PLEKHS1: variants seen among roughly 807,000 people sequenced by gnomAD.
The protein encoded by PLEKHS1 is pleckstrin homology domain containing S1.
PLEKHS1 carries 55 observed loss-of-function variants against 51.0 expected under a neutral mutation model. The observed-to-expected ratio is 1.08, with a 90% CI of 0.87 to 1.35. PLEKHS1 has a LOEUF of 1.35. PLEKHS1 is among the 40% of genes most tolerant of loss of function. PLEKHS1 has a pLI of 0.00. For missense variants in PLEKHS1, 398 were observed against 423.0 expected (o/e 0.94, Z 0.52); for synonymous variants, 153 against 144.8 (o/e 1.06, Z -0.41).
intron 11 of PLEKHS1, among the ~76,000 whole-genome samples, chr10:113,778,262 G>T (rs1247415533): frequency 6.6e-6 from 1 of 152,174 alleles, no homozygotes; most frequent in Non-Finnish European, 1.5e-5. Context: ...GGAGAGGAAG[G>T]AGAGAGTATG....
chr10:113,773,126 C>T (rs1013684990), intron 8 of PLEKHS1, among the ~76,000 whole-genome samples: 1 of 152,092 alleles, frequency 6.6e-6, no homozygotes, highest in African/African-American at 2.4e-5. Context: ...TCCGGAAACA[C>T]CCAGTTAAAA....
At chr10:113,752,965 T>C (rs1360345288) in intron 1 of PLEKHS1, among the ~76,000 whole-genome samples, 1 of 152,196 alleles carries the variant, frequency 6.6e-6, no homozygotes, top group Admixed American at 6.5e-5. Flanking sequence ...AGCTTTTCAT[T>C]TGTAAAATGA....
chr10:113,775,094 C>CTT, intron 10 of PLEKHS1, 59 bp downstream of exon 10: 9 of 1,217,646 alleles, frequency 7.4e-6, no homozygotes, highest in Admixed American at 2.6e-5. Context: ...CTCCCTCCCA[C>CTT]TTTTTTTTTT....
At chr10:113,775,266 A>T (rs1049662289) in intron 10 of PLEKHS1, among the ~76,000 whole-genome samples, 2 of 152,088 alleles carry the variant, frequency 1.3e-5, no homozygotes, top group East Asian at 1.9e-4. Flanking sequence ...AGCTATTTTT[A>T]AAAATTCCCC....
At chr10:113,770,976 A>G (rs1217470038) in intron 7 of PLEKHS1, among the ~76,000 whole-genome samples, 1 of 152,204 alleles carries the variant, frequency 6.6e-6, no homozygotes, top group Admixed American at 6.5e-5. Flanking sequence ...TAAAACATGG[A>G]CAGAACTTAA....
intron 7 of PLEKHS1, among the ~76,000 whole-genome samples, chr10:113,770,983 T>C (rs1844376607): frequency 6.6e-6 from 1 of 152,236 alleles, no homozygotes; most frequent in African/African-American, 2.4e-5. Context: ...TGGACAGAAC[T>C]TAAACACACC....
At chr10:113,768,515 G>A (rs919316142) in intron 5 of PLEKHS1, among the ~76,000 whole-genome samples, 6 of 152,130 alleles carry the variant, frequency 3.9e-5, no homozygotes, top group African/African-American at 1.4e-4. Flanking sequence ...CAGGTTAGGG[G>A]GCTTGCTTGA....
chr10:113,775,965 G>T, intron 11 of PLEKHS1, 99 bp downstream of exon 11: 8 of 843,570 alleles, frequency 9.5e-6, no homozygotes, highest in Non-Finnish European at 1.4e-5. Flanking sequence ...ACACTGACTA[G>T]GTTTGGGGCG....
chr10:113,768,614 C>G (rs1336233446), intron 5 of PLEKHS1, among the ~76,000 whole-genome samples: 1 of 152,218 alleles, frequency 6.6e-6, no homozygotes, highest in African/African-American at 2.4e-5. Flanking sequence ...TTTCTCTGAG[C>G]TTTCCTTGCA....
chr10:113,771,566 T>C (rs982853269), intron 7 of PLEKHS1, among the ~76,000 whole-genome samples: 3 of 150,268 alleles, frequency 2.0e-5, no homozygotes, highest in African/African-American at 7.4e-5. Flanking sequence ...TCCCAGCTAC[T>C]CAGGAGGCTG....
intron 7 of PLEKHS1, among the ~76,000 whole-genome samples, chr10:113,771,748 T>C (rs1270631312): frequency 1.3e-5 from 2 of 149,926 alleles, no homozygotes; most frequent in African/African-American, 2.5e-5. Flanking sequence ...TTCCAAACGG[T>C]AGAGAAAAAA....
intron 6 of PLEKHS1, 61 bp from the exon 7 acceptor site, chr10:113,769,723 T>C (rs1844315077): frequency 5.9e-6 from 6 of 1,025,512 alleles, no homozygotes; most frequent in South Asian, 5.1e-5. Flanking sequence ...GTAGAGAGGC[T>C]GCCGTTTCAT....
intron 5 of PLEKHS1, 42 bp from the exon 6 acceptor site, chr10:113,768,773 A>G (rs761700766): frequency 2.7e-6 from 4 of 1,490,100 alleles, no homozygotes; most frequent in Non-Finnish European, 3.7e-6. Context: ...AAAAGGCACT[A>G]TTGTTGCCAC....
chr10:113,769,930 C>G, intron 7 of PLEKHS1, 30 bp downstream of exon 7: 1 of 1,492,326 alleles, frequency 6.7e-7, no homozygotes, highest in African/African-American at 1.4e-5. Context: ...TCTCAGGACA[C>G]CACACCTGGG....
At chr10:113,769,847 A>G (rs2134538060) in exon 7 of PLEKHS1, 1 of 1,614,116 alleles carries the variant, frequency 6.2e-7, no homozygotes, top group East Asian at 2.2e-5. Context: ...TGGCCCTTCC[A>G]GCACATCAGA....
chr10:113,777,374 C>A, intron 11 of PLEKHS1, 115 bp downstream of exon 12: 3 of 1,609,330 alleles, frequency 1.9e-6, no homozygotes, highest in Non-Finnish European at 2.5e-6. Flanking sequence ...CCTCATTCTT[C>A]CACCATCAAG....
intron 11 of PLEKHS1, among the ~76,000 whole-genome samples, chr10:113,779,447 G>A (rs957158431): frequency 3.3e-5 from 5 of 152,008 alleles, no homozygotes; most frequent in African/African-American, 9.7e-5. Flanking sequence ...GCGGGTGCCT[G>A]TTATCCCAGC....
chr10:113,780,718 G>A lies in PLEKHS1; in HGVS notation c.*116G>A, dbSNP rs1026669631. The stretch of plus-strand genomic sequence containing the variant: ...CTTCTCAGCTGGATAAGCCTAGACT[G>A]AACAGAGCTCCCAAGAGGAGTCCGG... On this transcript the variant is annotated 3_prime_UTR_variant, in exon 12 of 12. Transcript: ENST00000361048. 4 of 1,608,676 alleles carry A rather than the reference G, an allele frequency of 2.5e-6. No individual in the cohort carries two copies. In the African/African-American group the frequency reaches 4.0e-5, roughly 16 times the overall value.
chr10:113,766,511 C>T lies in PLEKHS1; in HGVS notation c.117+12C>T. On this transcript the variant is annotated intron_variant, in intron 3 of 11. Transcript: ENST00000361048. ...TGTTCTCCTCTGTGGTAAGTATTTG[C>T]TGTGATTTAACAAGCCTCCCACCAG... 6.3e-7 allele frequency: 1 copy of T among 1,594,530 alleles called. No homozygotes were observed. The highest frequency in any genetic ancestry group is 8.6e-7 in the Non-Finnish European group (1 of 1,163,602).
Sources: allele counts gnomAD v4.1 joint callset (sites outside exome capture counted in the v4.1 genomes callset), GRCh38; gene constraint gnomAD v4.1.1; transcripts MANE v1.5; gene names NCBI Gene and HGNC (gene_info 2026-07-23, HGNC 2026-07-21).